Variants in GABBR2 observed in about 807,000 individuals in gnomAD.
GABBR2 encodes G-protein coupled receptor 51.
A neutral mutation model predicts 105.6 loss-of-function variants in GABBR2; 23 were observed. The observed-to-expected ratio is 0.22, with a 90% CI of 0.16 to 0.31. The LOEUF is 0.31. GABBR2 is among the 10% of genes least tolerant of loss of function. GABBR2 has a pLI of 1.00. For missense variants in GABBR2, 734 were observed against 1,245.5 expected (o/e 0.59, Z 6.18); for synonymous variants, 478 against 499.7 (o/e 0.96, Z 0.58).
intron 4 of GABBR2, among the ~76,000 whole-genome samples, chr9:98,489,034 A>G (rs1178089426): frequency 1.3e-5 from 2 of 152,220 alleles, no homozygotes; most frequent in African/African-American, 2.4e-5. Context: ...TTGGTCTCAT[A>G]GGCCATATAG....
In GABBR2 at chr9:98,688,394, C is replaced by CATATATATATAT. The variant is rs34589145; in HGVS notation, c.321+20011_321+20022dup. On this transcript the variant is annotated intron_variant, in intron 1 of 18. Transcript: ENST00000259455. ...TAATTTAAGAAATAATATGTGGTTT[C>CATATATATATAT]ATATATATATATATATAAAATCTCC... Among the ~76,000 whole-genome samples the CATATATATATAT allele has an allele frequency of 9.6e-4, 135 of 140,540 alleles. 2 individuals carry two copies. Among genetic ancestry groups the CATATATATATAT allele is most frequent in the Non-Finnish European group, 1.4e-3 (89 of 63,542 alleles). 92.2% of individuals were successfully genotyped at this position (140,540 alleles called of 152,430 possible).
chr9:98,521,307 T>C (rs968355832), intron 3 of GABBR2, among the ~76,000 whole-genome samples: 1 of 152,180 alleles, frequency 6.6e-6, no homozygotes, highest in East Asian at 1.9e-4. Context: ...CCTGAGAAAG[T>C]AGTGCGGTGC....
chr9:98,587,513 T>C (rs186930837), intron 1 of GABBR2, among the ~76,000 whole-genome samples: 2 of 152,140 alleles, frequency 1.3e-5, no homozygotes, highest in South Asian at 2.1e-4. Flanking sequence ...ATCAAAAATA[T>C]AAATCTCAGG....
chr9:98,423,530 A>C (rs922614103), intron 7 of GABBR2, among the ~76,000 whole-genome samples: 2 of 152,144 alleles, frequency 1.3e-5, no homozygotes, highest in African/African-American at 4.8e-5. Context: ...AGTAGGTTGC[A>C]AAAATTTTCT....
chr9:98,631,547 A>C (rs146415489), intron 1 of GABBR2, among the ~76,000 whole-genome samples: 1 of 152,346 alleles, frequency 6.6e-6, no homozygotes, highest in Non-Finnish European at 1.5e-5. Context: ...AGCACATGTT[A>C]GCCATCAATC....
chr9:98,422,256 G>A (rs1381115155), intron 7 of GABBR2, among the ~76,000 whole-genome samples: 1 of 152,184 alleles, frequency 6.6e-6, no homozygotes, highest in African/African-American at 2.4e-5. Context: ...AAGTGATGTT[G>A]CTTTACATCT....
At chr9:98,379,382 C>T (rs1158879432) in intron 11 of GABBR2, among the ~76,000 whole-genome samples, 2 of 152,240 alleles carry the variant, frequency 1.3e-5, no homozygotes, top group Admixed American at 6.5e-5. Flanking sequence ...GATTCTCCTG[C>T]CTCAGCCTCC....
chr9:98,444,842 C>T (rs991145366), intron 7 of GABBR2, among the ~76,000 whole-genome samples: 5 of 150,548 alleles, frequency 3.3e-5, no homozygotes, highest in Non-Finnish European at 5.9e-5. Context: ...CCAACGCATG[C>T]GTGCACGTGC....
At chr9:98,389,939 G>C (rs1242516272) in intron 9 of GABBR2, among the ~76,000 whole-genome samples, 3 of 152,108 alleles carry the variant, frequency 2.0e-5, no homozygotes, top group Non-Finnish European at 2.9e-5. Context: ...CTGGGAATCT[G>C]GGAGCCCCAC....
At chr9:98,697,391 G>A (rs571794935) in intron 1 of GABBR2, among the ~76,000 whole-genome samples, 1 of 151,978 alleles carries the variant, frequency 6.6e-6, no homozygotes, top group Admixed American at 6.6e-5. Context: ...CTCGGAAGGC[G>A]GAGGCAGGAG....
At chr9:98,529,078 G>A (rs189598039) in intron 3 of GABBR2, among the ~76,000 whole-genome samples, 266 of 151,970 alleles carry the variant, frequency 1.8e-3, no homozygotes, top group Admixed American at 2.9e-3. Flanking sequence ...ACAGGAATTG[G>A]ATAAAGATGG....
chr9:98,591,112 C>T (rs867675548), intron 1 of GABBR2, among the ~76,000 whole-genome samples: 116 of 152,030 alleles, frequency 7.6e-4, no homozygotes, highest in Admixed American at 1.4e-3. Context: ...ACAAAAGTCA[C>T]GCAAAAAAGG....
At chr9:98,621,931 C>A (rs1045725417) in intron 1 of GABBR2, among the ~76,000 whole-genome samples, 1 of 151,664 alleles carries the variant, frequency 6.6e-6, no homozygotes, top group Admixed American at 6.6e-5. Flanking sequence ...GAAAAATGCA[C>A]AATTTTTTAA....
At chr9:98,639,991 A>G (rs1829937252) in intron 1 of GABBR2, among the ~76,000 whole-genome samples, 1 of 150,868 alleles carries the variant, frequency 6.6e-6, no homozygotes, top group South Asian at 2.1e-4. Context: ...CTCCATTCTT[A>G]CCTCTTTCCC....
At chr9:98,601,634 AG>A (rs1829338164) in intron 1 of GABBR2, among the ~76,000 whole-genome samples, 2 of 152,248 alleles carry the variant, frequency 1.3e-5, no homozygotes, top group Admixed American at 1.3e-4. Flanking sequence ...AGGGAAGGGA[AG>A]GCACCATCTC....
chr9:98,315,145 G>T (rs1830693992), intron 13 of GABBR2, among the ~76,000 whole-genome samples: 1 of 152,036 alleles, frequency 6.6e-6, no homozygotes, highest in South Asian at 2.1e-4. Flanking sequence ...TGACCTCTCG[G>T]AATCTTGAAA....
intron 7 of GABBR2, among the ~76,000 whole-genome samples, chr9:98,451,919 T>A (rs1301994648): frequency 2.0e-5 from 3 of 152,130 alleles, no homozygotes; most frequent in Non-Finnish European, 4.4e-5. Context: ...AAGGCATGGG[T>A]CAAATGCCAC....
intron 7 of GABBR2, among the ~76,000 whole-genome samples, chr9:98,422,291 C>T (rs542953941): frequency 6.6e-6 from 1 of 152,294 alleles, no homozygotes; most frequent in East Asian, 1.9e-4. Flanking sequence ...CTTAGAAATA[C>T]AGACAATTCT....
chr9:98,618,614 CTCTCTT>C (rs1829625026), intron 1 of GABBR2, among the ~76,000 whole-genome samples: 1 of 151,992 alleles, frequency 6.6e-6, no homozygotes, highest in Admixed American at 6.6e-5. Flanking sequence ...ATGCTTCTAT[CTCTCTT>C]TCTGTCTCCC....
Sources: allele counts gnomAD v4.1 joint callset (sites outside exome capture counted in the v4.1 genomes callset), GRCh38; gene constraint gnomAD v4.1.1; transcripts MANE v1.5; gene names NCBI Gene and HGNC (gene_info 2026-07-23, HGNC 2026-07-21).